Variants in ACVR2B observed in about 807,000 individuals in gnomAD.
ACVR2B encodes the protein activin A receptor type 2B.
Under a neutral mutation model 65.1 loss-of-function variants are expected in ACVR2B, and 18 were observed. That is an observed-to-expected ratio of 0.28 (90% CI 0.19 to 0.41). The LOEUF is 0.41. Ranked by LOEUF, ACVR2B falls within the 10% of genes least tolerant of loss-of-function variation. The pLI is 1.00. For missense variants in ACVR2B, 482 were observed against 682.7 expected (o/e 0.71, Z 3.28); for synonymous variants, 298 against 277.7 (o/e 1.07, Z -0.73).
Position 38,477,817 on chromosome 3 carries a change from G to A in ACVR2B, c.261-44G>A. 4.4e-6 allele frequency: 7 copies of A among 1,595,914 alleles called. No individual in the cohort carries two copies. Among genetic ancestry groups the A allele is most frequent in the Admixed American group, 1.7e-5 (1 of 60,008 alleles). Reference sequence around the variant, plus strand: ...GGCAGGGCAGGCCTGGGGGAGTCTTGCATCCCCCAGGTGAGGGGTATATGG... The same window carrying A: ...GGCAGGGCAGGCCTGGGGGAGTCTTACATCCCCCAGGTGAGGGGTATATGG... On this transcript the variant is annotated intron_variant, in intron 2 of 10. Transcript: ENST00000352511. This position sits in a 1 kb window ranked among gnomAD's most constrained non-coding sequence, Gnocchi z 6.7.
chr3:38,454,182 G>A lies in ACVR2B; in HGVS notation c.-141G>A, dbSNP rs1709500057. ...AGCCCGAACGCTGCTCGGGGACGAA[G>A]GCGCAGGAAGCGCGCAGGGAACGAG... On this transcript the variant is annotated 5_prime_UTR_variant, in exon 1 of 11. Transcript: ENST00000352511. 1.8e-6 allele frequency: 1 copy of A among 546,068 alleles called. No homozygotes were observed. The highest frequency in any genetic ancestry group is 2.5e-6 in the Non-Finnish European group (1 of 401,342). 33.8% of individuals were successfully genotyped at this position (546,068 alleles called of 1,614,324 possible).
chr3:38,467,341 G>A (rs749709857), intron 1 of ACVR2B, among the ~76,000 whole-genome samples: 8 of 152,140 alleles, frequency 5.3e-5, no homozygotes, highest in Non-Finnish European at 1.0e-4. Context: ...CAGGAGGGAG[G>A]CTGAGGCAGG....
intron 1 of ACVR2B, among the ~76,000 whole-genome samples, chr3:38,463,274 A>G (rs1709678257): frequency 6.6e-6 from 1 of 152,238 alleles, no homozygotes; most frequent in Non-Finnish European, 1.5e-5. Flanking sequence ...CACTTGTTGA[A>G]GGTCGCTGAA....
At chr3:38,456,282 C>G (rs1709549316) in intron 1 of ACVR2B, among the ~76,000 whole-genome samples, 1 of 152,152 alleles carries the variant, frequency 6.6e-6, no homozygotes. Context: ...GCCCCAGGCC[C>G]AGTTTGGAGC....
rs1289201141 is a variant in ACVR2B at position 38,481,053 on chromosome 3, A to G, written c.960-298A>G. Among the ~76,000 whole-genome samples, 1 of 152,224 alleles carries G rather than the reference A, an allele frequency of 6.6e-6. No homozygotes were observed. The highest frequency in any genetic ancestry group is 6.5e-5 in the Admixed American group (1 of 15,292). ...GTGCCTGTCCACAACCCCTCTGAGA[A>G]TATATGGGCTGGCCTTTGATAGTGT... On this transcript the variant is annotated intron_variant, in intron 7 of 10. Transcript: ENST00000352511. This position sits in a 1 kb window ranked among gnomAD's most constrained non-coding sequence, Gnocchi z 4.7.
intron 1 of ACVR2B, among the ~76,000 whole-genome samples, chr3:38,464,564 A>G (rs1709699390): frequency 8.3e-6 from 1 of 120,052 alleles, no homozygotes; most frequent in African/African-American, 2.5e-5. Flanking sequence ...GCCTAGGGTG[A>G]TGATTTTGGT....
Position 38,477,343 on chromosome 3 carries a change from G to A in ACVR2B, c.109G>A (p.Glu37Lys), listed in dbSNP as rs1709928963. Residue 37 changes from glutamate (E) to lysine (K), a missense_variant, in exon 2 of 11, where the codon GAG becomes AAG. This residue lies in a region of ACVR2B where 85 missense variants were observed against 137.3 expected (regional missense o/e 0.62). Transcript: ENST00000352511. This position sits in a 1 kb window ranked among gnomAD's most constrained non-coding sequence, Gnocchi z 6.7. ...GTGCATCTACTACAACGCCAACTGG[G>A]AGCTGGAGCGCACCAACCAGAGCGG... Reference protein sequence around the residue: ...RECIYYNANWELERTNQSGLE... With the variant: ...RECIYYNANWKLERTNQSGLE... 6.2e-7 allele frequency: 1 copy of A among 1,614,062 alleles called. No individual in the cohort carries two copies. The highest frequency in any genetic ancestry group is 8.5e-7 in the Non-Finnish European group (1 of 1,180,026).
chr3:38,491,184 T>TA lies in ACVR2B; in HGVS notation c.*7852_*7853insA, dbSNP rs1365586387. 4.6e-5 allele frequency: 7 copies of TA among 152,286 alleles called. No homozygotes were observed. Among genetic ancestry groups the TA allele is most frequent in the East Asian group, 1.9e-4 (1 of 5,202 alleles). The allele number at this position is 152,286 out of a possible 1,614,324, so 9.4% of individuals were successfully genotyped here. A position where few individuals can be genotyped will look rare whatever the true frequency, so the allele number is the denominator to read the frequency against. ...GATGTATTTTAAATAAATATATATA[T>TA]TTTTTAAAGAGCCTTTTTTACCAGT... On this transcript the variant is annotated 3_prime_UTR_variant, in exon 11 of 11. Transcript: ENST00000352511.
At chr3:38,460,438 C>G (rs1709624926) in intron 1 of ACVR2B, among the ~76,000 whole-genome samples, 1 of 152,162 alleles carries the variant, frequency 6.6e-6, no homozygotes, top group Admixed American at 6.5e-5. Flanking sequence ...GTGGTAGGTA[C>G]TGGAAATCAA....
chr3:38,459,680 C>T, intron 1 of ACVR2B: 7 of 985,370 alleles, frequency 7.1e-6, no homozygotes, highest in Non-Finnish European at 8.4e-6. Flanking sequence ...TGGGCAGCCT[C>T]TCCCCAAAGG....
intron 1 of ACVR2B, among the ~76,000 whole-genome samples, chr3:38,465,258 G>T (rs973873876): frequency 1.3e-5 from 2 of 152,062 alleles, no homozygotes; most frequent in African/African-American, 4.8e-5. Context: ...AATTAGCTGG[G>T]TGTGGTGGCA....
At chr3:38,455,913 G>T (rs1709542599) in intron 1 of ACVR2B, among the ~76,000 whole-genome samples, 1 of 152,168 alleles carries the variant, frequency 6.6e-6, no homozygotes, top group South Asian at 2.1e-4. Context: ...CTCCAGACCC[G>T]CTGGGTGCCT....
chr3:38,454,222 C>A lies in ACVR2B; in HGVS notation c.-101C>A, dbSNP rs1367432014. The A allele has an allele frequency of 2.3e-5, 20 of 862,420 alleles. No homozygotes were observed. Among genetic ancestry groups the A allele is most frequent in the Admixed American group, 4.9e-5 (1 of 20,286 alleles). 53.4% of individuals were successfully genotyped at this position (862,420 alleles called of 1,614,324 possible). On this transcript the variant is annotated 5_prime_UTR_variant, in exon 1 of 11. Coordinates refer to ENST00000352511, the MANE Select transcript of ACVR2B (RefSeq NM_001106.4). ...CAGGGAACGAGACCGAAGGAAGGAG[C>A]GGGAAGGAGAGCGCAGCCGCCGCCT...
At chr3:38,461,461 G>A (rs865786851) in intron 1 of ACVR2B, among the ~76,000 whole-genome samples, 2 of 152,124 alleles carry the variant, frequency 1.3e-5, no homozygotes, top group Non-Finnish European at 2.9e-5. Flanking sequence ...GGAGCAGAAG[G>A]GTTAGAGAGA....
Position 38,483,042 on chromosome 3 carries a change from G to T in ACVR2B, c.1345-96G>T. On this transcript the variant is annotated intron_variant, in intron 10 of 10. Coordinates refer to ENST00000352511, the MANE Select transcript of ACVR2B (RefSeq NM_001106.4). This position sits in a 1 kb window ranked among gnomAD's most constrained non-coding sequence, Gnocchi z 4.8. ...TGGTTGGGGCTGGTGGGCTCTGCCT[G>T]ATCCTTGGGAATATCAAGTTTACTG... is the stretch of plus-strand genomic sequence containing the variant. 6.9e-7 allele frequency: 1 copy of T among 1,450,658 alleles called. No individual in the cohort carries two copies. The highest frequency in any genetic ancestry group is 1.7e-5 in the Admixed American group (1 of 59,800). The allele number at this position is 1,450,658 out of a possible 1,614,324, so 89.9% of individuals were successfully genotyped here.
chr3:38,478,056 G>T, intron 3 of ACVR2B, 85 bp from the exon 4 acceptor site: 1 of 1,595,456 alleles, frequency 6.3e-7, no homozygotes, highest in Non-Finnish European at 8.6e-7. Flanking sequence ...AGTTGGGTGG[G>T]GTGTGGCTAC....
chr3:38,454,394 C>A lies in ACVR2B; in HGVS notation c.52+20C>A. ...GCGCCGGTAAGAACTGGGCGCGGCG[C>A]GGGGACGCCGAGAGGGCGCGCGGGG... On this transcript the variant is annotated intron_variant, in intron 1 of 10. Coordinates refer to ENST00000352511, the MANE Select transcript of ACVR2B (RefSeq NM_001106.4). 1 of 1,248,152 alleles carries A rather than the reference C, an allele frequency of 8.0e-7. No homozygotes were observed. Among genetic ancestry groups the A allele is most frequent in the Non-Finnish European group, 1.0e-6 (1 of 996,382 alleles). 77.3% of individuals were successfully genotyped at this position (1,248,152 alleles called of 1,614,324 possible). A position where few individuals can be genotyped will look rare whatever the true frequency, so the allele number is the denominator to read the frequency against.
At position 38,454,349 on chromosome 3, in the gene ACVR2B, C is replaced by A; in HGVS notation, c.27C>A (p.Ala9=). The stretch of plus-strand genomic sequence containing the variant: ...TGACGGCGCCCTGGGTGGCCCTCGC[C>A]CTCCTCTGGGGATCGCTGTGCGCCG... MTAPWVAL[A]LLWGSLCAGS... Residue 9 remains alanine, a synonymous_variant, in exon 1 of 11, where the codon GCC becomes GCA. Coordinates refer to ENST00000352511, the MANE Select transcript of ACVR2B (RefSeq NM_001106.4). The A allele has an allele frequency of 7.7e-7, 1 of 1,297,688 alleles. No individual in the cohort carries two copies. 80.4% of individuals were successfully genotyped at this position (1,297,688 alleles called of 1,614,324 possible).
intron 7 of ACVR2B, among the ~76,000 whole-genome samples, chr3:38,480,683 A>G (rs542957044): frequency 1.3e-5 from 2 of 152,344 alleles, no homozygotes; most frequent in Admixed American, 6.5e-5. Flanking sequence ...TGCCGTTTTT[A>G]TAGGTCAAAA....
Sources: gnomAD v4.1 joint callset for allele counts (sites outside exome capture counted in the v4.1 genomes callset) on GRCh38, gnomAD v4.1.1 for gene constraint, gnomAD v4.1.1 regional missense constraint, Gnocchi (gnomAD v3.1) non-coding constraint, MANE v1.5 for transcripts, NCBI Gene and HGNC (gene_info 2026-07-23, HGNC 2026-07-21) for gene names.